Variants in MITF observed in about 807,000 individuals in gnomAD.
MITF encodes the protein melanocyte inducing transcription factor.
In MITF, 17 loss-of-function variants were observed where a neutral mutation model predicts 60.5. The ratio of observed to expected loss-of-function variants is 0.28; its 90% CI spans 0.19 to 0.42. MITF has a LOEUF of 0.42. Ranked by LOEUF, MITF falls within the 10% of genes least tolerant of loss-of-function variation. MITF has a pLI of 1.00. For synonymous variants in MITF, 260 were observed against 248.5 expected (o/e 1.05, Z -0.43); for missense variants, 622 against 683.5 (o/e 0.91, Z 1.00).
intron 4 of MITF, 40 bp downstream of exon 4, chr3:69,939,221 A>G (rs1344657202): frequency 1.3e-6 from 2 of 1,555,982 alleles, no homozygotes; most frequent in Non-Finnish European, 1.8e-6. Flanking sequence ...AACACTTTGT[A>G]ATGAGAATCT....
At chr3:69,750,424 AATT>A (rs1559607758) in intron 1 of MITF, among the ~76,000 whole-genome samples, 1 of 145,234 alleles carries the variant, frequency 6.9e-6, no homozygotes, top group Admixed American at 6.9e-5. Flanking sequence ...ACCAGTGAGT[AATT>A]ATTATCAATG....
intron 1 of MITF, among the ~76,000 whole-genome samples, chr3:69,849,678 C>G (rs754833346): frequency 2.0e-4 from 30 of 152,220 alleles, no homozygotes; most frequent in African/African-American, 2.9e-4. Flanking sequence ...AGCCTGGGCT[C>G]TGATACCTCA....
At chr3:69,893,630 G>C (rs1575901378) in intron 2 of MITF, among the ~76,000 whole-genome samples, 1 of 152,104 alleles carries the variant, frequency 6.6e-6, no homozygotes, top group Non-Finnish European at 1.5e-5. Context: ...GTGACTAGAA[G>C]GTTAATGCTT....
At position 69,965,661 on chromosome 3, in the gene MITF, A is replaced by G. The variant is rs557476305; in HGVS notation, c.*413A>G. 56 of 254,416 alleles carry G rather than the reference A, an allele frequency of 2.2e-4. No homozygotes were observed. The Admixed American group carries it at 2.3e-3, about 10-fold the overall frequency. The allele number at this position is 254,416 out of a possible 1,614,324, so 15.8% of individuals were successfully genotyped here. On this transcript the variant is annotated 3_prime_UTR_variant, in exon 10 of 10. Coordinates refer to ENST00000352241, the MANE Select transcript of MITF (RefSeq NM_001354604.2). ...TGTAAAGCAACCAAAAAGAAAAAAA[A>G]AAAGAAAGAAAGAGGAAAAGAAATC...
intron 1 of MITF, among the ~76,000 whole-genome samples, chr3:69,833,858 G>A (rs1033533287): frequency 2.0e-5 from 3 of 152,170 alleles, no homozygotes; most frequent in African/African-American, 7.2e-5. Flanking sequence ...TTTATTGCCT[G>A]TCCACCTGCA....
intron 1 of MITF, among the ~76,000 whole-genome samples, chr3:69,787,709 T>G (rs1386301532): frequency 6.6e-6 from 1 of 152,196 alleles, no homozygotes; most frequent in African/African-American, 2.4e-5. Flanking sequence ...GATCTCAGTA[T>G]GACTGCTCCT....
chr3:69,749,609 G>T (rs1211198874), intron 1 of MITF, among the ~76,000 whole-genome samples: 2 of 152,198 alleles, frequency 1.3e-5, no homozygotes, highest in African/African-American at 4.8e-5. Flanking sequence ...TATTTATTTA[G>T]TTTTAAAGGA....
chr3:69,806,438 G>C (rs761674087), intron 1 of MITF, among the ~76,000 whole-genome samples: 7 of 152,058 alleles, frequency 4.6e-5, no homozygotes, highest in Non-Finnish European at 1.0e-4. Flanking sequence ...GAATTCATTT[G>C]ATAATGAGAA....
intron 1 of MITF, among the ~76,000 whole-genome samples, chr3:69,863,425 G>A (rs972154491): frequency 6.6e-6 from 1 of 152,186 alleles, no homozygotes; most frequent in African/African-American, 2.4e-5. Context: ...ATTGTCAATA[G>A]AAATATTTCT....
chr3:69,914,686 G>A (rs1214469360), intron 2 of MITF, among the ~76,000 whole-genome samples: 11 of 152,152 alleles, frequency 7.2e-5, no homozygotes, highest in Admixed American at 5.2e-4. Context: ...TCGAGAAAGG[G>A]TGATTGCCAA....
At chr3:69,797,592 T>C (rs2106939102) in intron 1 of MITF, among the ~76,000 whole-genome samples, 1 of 152,344 alleles carries the variant, frequency 6.6e-6, no homozygotes, top group East Asian at 1.9e-4. Context: ...TTCTGTTTTC[T>C]TGAATTCTCA....
chr3:69,827,924 T>A (rs1377150899), intron 1 of MITF, among the ~76,000 whole-genome samples: 6 of 152,184 alleles, frequency 3.9e-5, no homozygotes, highest in Non-Finnish European at 8.8e-5. Flanking sequence ...TTGCATTCCA[T>A]AATTCAATAA....
chr3:69,768,881 T>A (rs1033133108), intron 1 of MITF, among the ~76,000 whole-genome samples: 1 of 152,172 alleles, frequency 6.6e-6, no homozygotes, highest in African/African-American at 2.4e-5. Flanking sequence ...GATGAAGCAT[T>A]CAAATTTATT....
At chr3:69,814,724 C>G (rs2063154264) in intron 1 of MITF, among the ~76,000 whole-genome samples, 1 of 151,950 alleles carries the variant, frequency 6.6e-6, no homozygotes, top group Non-Finnish European at 1.5e-5. Flanking sequence ...AAGAGGCATG[C>G]CAGTTATTAA....
At chr3:69,874,019 G>C (rs2064296544) in intron 1 of MITF, among the ~76,000 whole-genome samples, 1 of 152,136 alleles carries the variant, frequency 6.6e-6, no homozygotes, top group Admixed American at 6.6e-5. Flanking sequence ...CATGACATAG[G>C]TTTCTCCTTT....
chr3:69,923,307 T>A (rs570304866), intron 2 of MITF, among the ~76,000 whole-genome samples: 2 of 152,202 alleles, frequency 1.3e-5, no homozygotes, highest in Non-Finnish European at 2.9e-5. Context: ...TTGAAAACTT[T>A]CAGAAAAACT....
intron 9 of MITF, among the ~76,000 whole-genome samples, chr3:69,963,046 G>A (rs1311193780): frequency 6.6e-6 from 1 of 151,986 alleles, no homozygotes; most frequent in African/African-American, 2.4e-5. Context: ...TTCTTACAAG[G>A]ACACCAGTCC....
In MITF at chr3:69,967,365, T is replaced by G. The variant is rs1001748629; in HGVS notation, c.*2117T>G. On this transcript the variant is annotated 3_prime_UTR_variant, in exon 10 of 10. Transcript: ENST00000352241. The stretch of plus-strand genomic sequence containing the variant: ...TGTACCATAGTGTTCATTGATACAA[T>G]CATAGCATTGTCTATTTTTCTCTTC... The G allele has an allele frequency of 8.6e-6, 2 of 232,850 alleles. No individual in the cohort carries two copies. Among genetic ancestry groups the G allele is most frequent in the Non-Finnish European group, 1.7e-5 (2 of 117,560 alleles). 14.4% of individuals were successfully genotyped at this position (232,850 alleles called of 1,614,324 possible). A position where few individuals can be genotyped will look rare whatever the true frequency, so the allele number is the denominator to read the frequency against.
At chr3:69,931,363 G>C (rs1199907951) in intron 2 of MITF, among the ~76,000 whole-genome samples, 1 of 152,086 alleles carries the variant, frequency 6.6e-6, no homozygotes, top group East Asian at 1.9e-4. Flanking sequence ...TAGCCTGAGG[G>C]AGAAAAAAAT....
Sources: gnomAD v4.1 joint callset for allele counts (sites outside exome capture counted in the v4.1 genomes callset) on GRCh38, gnomAD v4.1.1 for gene constraint, MANE v1.5 for transcripts, NCBI Gene and HGNC (gene_info 2026-07-23, HGNC 2026-07-21) for gene names.